The following KCNB2 variants were observed in gnomAD, a reference collection of about 807,000 sequenced individuals.
KCNB2 encodes potassium voltage-gated channel subfamily B member 2.
Under a neutral mutation model 61.5 loss-of-function variants are expected in KCNB2, and 15 were observed. The observed-to-expected ratio is 0.24, with a 90% confidence interval of 0.16 to 0.38. The LOEUF (loss-of-function observed/expected upper bound fraction) is 0.38. KCNB2 is among the 10% of genes least tolerant of loss of function. The pLI, the probability that KCNB2 is intolerant of heterozygous loss-of-function variation, is 1.00. For missense variants in KCNB2, 828 were observed against 1,125.2 expected (o/e 0.74, Z 3.78); for synonymous variants, 457 against 446.0 (o/e 1.02, Z -0.31).
intron 2 of KCNB2, 47 bp from the exon 3 acceptor site, chr8:72,935,888 C>G (rs201143154): frequency 7.3e-7 from 1 of 1,360,806 alleles, no homozygotes; most frequent in East Asian, 2.3e-5. Flanking sequence ...TCCTAGCTGC[C>G]TAAGCAACTA....
At chr8:72,618,754 G>T in intron 2 of KCNB2, 1 of 174,138 alleles carries the variant, frequency 5.7e-6, no homozygotes. Flanking sequence ...TTCTTTGTAA[G>T]TTCAGCTTCA....
chr8:72,579,243 T>C (rs1806852035), intron 2 of KCNB2, among the ~76,000 whole-genome samples: 1 of 152,172 alleles, frequency 6.6e-6, no homozygotes, highest in South Asian at 2.1e-4. Flanking sequence ...ACTGAACAAC[T>C]GTTGATTTTC....
intron 2 of KCNB2, among the ~76,000 whole-genome samples, chr8:72,669,611 A>C (rs901380073): frequency 6.6e-6 from 1 of 152,222 alleles, no homozygotes; most frequent in Non-Finnish European, 1.5e-5. Context: ...TTTTATTGTA[A>C]TGAAATCACG....
intron 2 of KCNB2, among the ~76,000 whole-genome samples, chr8:72,851,978 G>C (rs1297815232): frequency 6.6e-6 from 1 of 152,048 alleles, no homozygotes; most frequent in African/African-American, 2.4e-5. Context: ...CCCCGTGCCT[G>C]TAATTCCAGC....
chr8:72,887,995 T>A (rs1805833860), intron 2 of KCNB2, among the ~76,000 whole-genome samples: 1 of 152,244 alleles, frequency 6.6e-6, no homozygotes, highest in South Asian at 2.1e-4. Flanking sequence ...GTGTCTTGTC[T>A]CCCCAAGATT....
chr8:72,573,357 A>G (rs1379181022), intron 2 of KCNB2, among the ~76,000 whole-genome samples: 1 of 152,212 alleles, frequency 6.6e-6, no homozygotes, highest in Non-Finnish European at 1.5e-5. Flanking sequence ...TATGCTTGTA[A>G]GGAGATCCAG....
intron 2 of KCNB2, among the ~76,000 whole-genome samples, chr8:72,716,998 A>G (rs1807455159): frequency 6.6e-6 from 1 of 151,862 alleles, no homozygotes; most frequent in African/African-American, 2.4e-5. Flanking sequence ...CAAAAATCAC[A>G]AGCATTCTTA....
intron 2 of KCNB2, among the ~76,000 whole-genome samples, chr8:72,853,915 A>C (rs1352638249): frequency 6.6e-6 from 1 of 152,180 alleles, no homozygotes. Context: ...ATACAAGTAG[A>C]TAGATATTTC....
intron 2 of KCNB2, among the ~76,000 whole-genome samples, chr8:72,869,499 CA>C (rs144539866): frequency 0.075 from 11,459 of 151,878 alleles, 588 homozygotes; most frequent in South Asian, 0.24. Flanking sequence ...AACTCAATAG[CA>C]AAAAATAAAA....
At chr8:72,637,025 G>A (rs139436254) in intron 2 of KCNB2, among the ~76,000 whole-genome samples, 2,233 of 148,156 alleles carry the variant, frequency 0.015, 43 homozygotes, top group African/African-American at 0.057. Context: ...TGATGCTCTT[G>A]CCTTGAGTGT....
intron 2 of KCNB2, among the ~76,000 whole-genome samples, chr8:72,665,571 A>G (rs1806454377): frequency 6.6e-6 from 1 of 152,184 alleles, no homozygotes; most frequent in Admixed American, 6.5e-5. Flanking sequence ...GTATTTGGGG[A>G]AAAATCTCTT....
Position 72,772,265 on chromosome 8 carries a change from C to T in KCNB2, c.580-163670C>T, listed in dbSNP as rs1384559378. 2.0e-5 allele frequency among the ~76,000 whole-genome samples: 3 copies of T among 152,208 alleles called. No homozygotes were observed. In the East Asian group the frequency reaches 5.8e-4, roughly 29 times the overall value. On this transcript the variant is annotated intron_variant, in intron 2 of 2. Coordinates refer to ENST00000523207, the MANE Select transcript of KCNB2 (RefSeq NM_004770.3). ...GTGAGTTAAGCCACAGTTGTCCAAA[C>T]TCAGCACTACTCCATTTTGGACCAG... is the stretch of plus-strand genomic sequence containing the variant.
At chr8:72,641,311 C>T (rs866303846) in intron 2 of KCNB2, among the ~76,000 whole-genome samples, 6 of 152,086 alleles carry the variant, frequency 3.9e-5, no homozygotes, top group African/African-American at 1.4e-4. Context: ...AAGCACCTCA[C>T]AATATACTTA....
chr8:72,614,194 T>G (rs755664301), intron 2 of KCNB2, among the ~76,000 whole-genome samples: 1 of 152,192 alleles, frequency 6.6e-6, no homozygotes, highest in African/African-American at 2.4e-5. Flanking sequence ...GTTTATTGGG[T>G]AAAAATAGTT....
At chr8:72,610,137 G>T (rs1805515157) in intron 2 of KCNB2, among the ~76,000 whole-genome samples, 1 of 152,180 alleles carries the variant, frequency 6.6e-6, no homozygotes, top group Non-Finnish European at 1.5e-5. Flanking sequence ...TCAATGAATA[G>T]AAAAGGATTA....
intron 2 of KCNB2, among the ~76,000 whole-genome samples, chr8:72,575,473 G>A (rs1806781629): frequency 6.6e-6 from 1 of 151,762 alleles, no homozygotes; most frequent in Non-Finnish European, 1.5e-5. Flanking sequence ...GACATATTTG[G>A]CATATAATAT....
At chr8:72,571,172 G>A (rs1198856770) in intron 2 of KCNB2, among the ~76,000 whole-genome samples, 5 of 152,102 alleles carry the variant, frequency 3.3e-5, no homozygotes, top group African/African-American at 7.2e-5. Context: ...TCTTTGATAC[G>A]AAATAAAATA....
intron 2 of KCNB2, among the ~76,000 whole-genome samples, chr8:72,826,303 C>A (rs73686532): frequency 6.6e-6 from 1 of 152,112 alleles, no homozygotes; most frequent in Admixed American, 6.5e-5. Flanking sequence ...ACAGTCTTCC[C>A]GTAGGATCCC....
At chr8:72,559,468 G>A (rs992403093) in intron 1 of KCNB2, among the ~76,000 whole-genome samples, 4 of 152,054 alleles carry the variant, frequency 2.6e-5, no homozygotes, top group Admixed American at 2.6e-4. Flanking sequence ...AATCCTGAGA[G>A]CCAGGAAGCC....
Sources: allele counts gnomAD v4.1 joint callset (sites outside exome capture counted in the v4.1 genomes callset), GRCh38; gene constraint gnomAD v4.1.1; transcripts MANE v1.5; gene names NCBI Gene and HGNC (gene_info 2026-07-23, HGNC 2026-07-21).